Variants in FRMD4B observed in about 807,000 individuals in gnomAD.
FRMD4B encodes FERM domain-containing protein 4B.
FRMD4B carries 74 observed loss-of-function variants against 141.5 expected under a neutral mutation model. The ratio of observed to expected loss-of-function variants is 0.52; its 90% CI spans 0.43 to 0.63. FRMD4B has a LOEUF of 0.63. Ranked by LOEUF, FRMD4B falls within the 30% of genes least tolerant of loss-of-function variation. The pLI, the probability that FRMD4B is intolerant of heterozygous loss-of-function variation, is 0.00. For missense variants in FRMD4B, 1,366 were observed against 1,253.4 expected (o/e 1.09, Z -1.36); for synonymous variants, 506 against 467.9 (o/e 1.08, Z -1.05).
At chr3:69,205,052 T>C (rs1491002870) in intron 11 of FRMD4B, among the ~76,000 whole-genome samples, 3 of 49,386 alleles carry the variant, frequency 6.1e-5, no homozygotes, top group Non-Finnish European at 1.1e-4. Flanking sequence ...ATCTGTTATG[T>C]TTTTAACAAA....
chr3:69,409,208 G>A (rs563785943), intron 2 of FRMD4B, among the ~76,000 whole-genome samples: 1 of 152,260 alleles, frequency 6.6e-6, no homozygotes, highest in African/African-American at 2.4e-5. Flanking sequence ...AAGGGAAGAA[G>A]GCAGAGGTTA....
intron 1 of FRMD4B, among the ~76,000 whole-genome samples, chr3:69,451,687 G>C (rs1705502118): frequency 6.6e-6 from 1 of 152,172 alleles, no homozygotes; most frequent in South Asian, 2.1e-4. Context: ...TGGTGGGTAA[G>C]ATGGTTTACT....
intron 22 of FRMD4B, 74 bp downstream of exon 22, chr3:69,176,450 G>A (rs957440062): frequency 1.8e-4 from 231 of 1,284,750 alleles, no homozygotes; most frequent in Non-Finnish European, 2.1e-4. Context: ...ATTATCTGAC[G>A]TTTGTAAATT....
At position 69,171,966 on chromosome 3, in the gene FRMD4B, G is replaced by T; in HGVS notation, c.3000C>A (p.Ile1000=). 6.2e-7 allele frequency: 1 copy of T among 1,613,118 alleles called. No individual in the cohort carries two copies. Among genetic ancestry groups the T allele is most frequent in the South Asian group, 1.1e-5 (1 of 91,054 alleles). ...LPSPSRQYTE[I]SQLDGTDGNQ... is the part of the protein sequence containing the mutation. The stretch of plus-strand genomic sequence containing the variant: ...TTCCATCTGTACCATCCAGTTGACT[G>T]ATTTCTGTGTATTGTCTATTAAAGA... The change falls in exon 23 of 23, where the codon ATC becomes ATA. Residue 1000 remains isoleucine, a synonymous_variant. Transcript: ENST00000398540.
chr3:69,431,989 T>A (rs1705187230), intron 2 of FRMD4B, among the ~76,000 whole-genome samples: 1 of 152,222 alleles, frequency 6.6e-6, no homozygotes, highest in Non-Finnish European at 1.5e-5. Context: ...GTTGCCTACA[T>A]GCCTGGCAGT....
In FRMD4B at chr3:69,438,213, C is replaced by G. The variant is rs372349265; in HGVS notation, c.-128-5452G>C. 1.8e-4 allele frequency among the ~76,000 whole-genome samples: 28 copies of G among 151,562 alleles called. No individual in the cohort carries two copies. The South Asian group carries it at 1.9e-3, about 10-fold the overall frequency. On this transcript the variant is annotated intron_variant, in intron 1 of 5. Transcript: ENST00000459638. ...CGAACCTCTTGGCTCATGTGATCCT[C>G]CCACCTCAGCCTCCTGAGCAGCTGG...
intron 1 of FRMD4B, among the ~76,000 whole-genome samples, chr3:69,495,731 G>C (rs1706371458): frequency 1.3e-5 from 2 of 152,132 alleles, no homozygotes; most frequent in Non-Finnish European, 2.9e-5. Flanking sequence ...ACAGCAGCTA[G>C]TGTTACTTTC....
intron 3 of FRMD4B, 72 bp downstream of exon 3, chr3:69,311,191 G>A: frequency 1.5e-6 from 1 of 677,832 alleles, no homozygotes; most frequent in Non-Finnish European, 2.6e-6. Flanking sequence ...TTCCTTTTTT[G>A]TTAATTATGG....
chr3:69,204,426 C>T (rs1194590585), intron 11 of FRMD4B, among the ~76,000 whole-genome samples: 1 of 152,074 alleles, frequency 6.6e-6, no homozygotes, highest in Non-Finnish European at 1.5e-5. Flanking sequence ...TGCAAATTCG[C>T]CTGGAAATGA....
At chr3:69,295,016 G>A (rs948963246) in intron 4 of FRMD4B, among the ~76,000 whole-genome samples, 3 of 152,104 alleles carry the variant, frequency 2.0e-5, no homozygotes, top group Admixed American at 6.6e-5. Context: ...AGAATGTTTC[G>A]CCCACTGAAC....
chr3:69,267,189 A>G (rs2093566402), intron 5 of FRMD4B, among the ~76,000 whole-genome samples: 1 of 152,210 alleles, frequency 6.6e-6, no homozygotes, highest in African/African-American at 2.4e-5. Flanking sequence ...GTTTGGAACC[A>G]GTGAGTTAGA....
chr3:69,294,728 G>C (rs1248197165), intron 4 of FRMD4B, among the ~76,000 whole-genome samples: 1 of 152,156 alleles, frequency 6.6e-6, no homozygotes, highest in African/African-American at 2.4e-5. Context: ...TTCTCCCCTA[G>C]GCAACCTGAA....
chr3:69,421,867 G>A (rs895460004), intron 2 of FRMD4B, among the ~76,000 whole-genome samples: 1 of 152,106 alleles, frequency 6.6e-6, no homozygotes, highest in Non-Finnish European at 1.5e-5. Context: ...AAGACAAAAT[G>A]AAACAAAGGT....
At chr3:69,329,050 T>C (rs1200594311) in intron 1 of FRMD4B, among the ~76,000 whole-genome samples, 2 of 152,186 alleles carry the variant, frequency 1.3e-5, no homozygotes, top group Non-Finnish European at 2.9e-5. Flanking sequence ...ACTCTTGGGC[T>C]CTGGATCAGG....
intron 5 of FRMD4B, among the ~76,000 whole-genome samples, chr3:69,273,335 C>T (rs1339179175): frequency 6.6e-6 from 1 of 152,196 alleles, no homozygotes; most frequent in Non-Finnish European, 1.5e-5. Context: ...GCTGACTTTA[C>T]AGTGATTCTC....
chr3:69,324,467 G>T (rs146952721), intron 1 of FRMD4B, among the ~76,000 whole-genome samples: 3,130 of 152,304 alleles, frequency 0.021, 45 homozygotes, highest in South Asian at 0.064. Context: ...AACTTCATTG[G>T]TATTTGCAGC....
At chr3:69,466,214 C>T (rs1705784300) in intron 1 of FRMD4B, among the ~76,000 whole-genome samples, 1 of 152,110 alleles carries the variant, frequency 6.6e-6, no homozygotes, top group African/African-American at 2.4e-5. Context: ...TGTTCATATC[C>T]TTTGCCCACT....
At chr3:69,191,255 A>G (rs1006203123) in intron 17 of FRMD4B, among the ~76,000 whole-genome samples, 2 of 152,136 alleles carry the variant, frequency 1.3e-5, no homozygotes, top group Admixed American at 1.3e-4. Flanking sequence ...TCCTGTCTCT[A>G]TGAAAAATAC....
intron 2 of FRMD4B, among the ~76,000 whole-genome samples, chr3:69,397,903 A>G (rs1213484183): frequency 2.6e-5 from 4 of 152,220 alleles, no homozygotes; most frequent in Non-Finnish European, 5.9e-5. Context: ...TGTTACCAAA[A>G]AAAGAGAGGT....
Sources: gnomAD v4.1 joint callset for allele counts (sites outside exome capture counted in the v4.1 genomes callset) on GRCh38, gnomAD v4.1.1 for gene constraint, MANE v1.5 for transcripts, NCBI Gene and HGNC (gene_info 2026-07-23, HGNC 2026-07-21) for gene names.